CAMK4: variants seen among roughly 807,000 people sequenced by gnomAD.
CAMK4 encodes calcium/calmodulin-dependent protein kinase type IV.
Under a neutral mutation model 44.9 loss-of-function variants are expected in CAMK4, and 22 were observed. The observed-to-expected ratio is 0.49, with a 90% CI of 0.35 to 0.70. The LOEUF is 0.70. CAMK4 is among the 30% of genes least tolerant of loss of function. The pLI is 0.01. For synonymous variants in CAMK4, 218 were observed against 215.4 expected (o/e 1.01, Z -0.11); for missense variants, 498 against 586.8 (o/e 0.85, Z 1.56).
At chr5:111,313,781 C>T (rs1480448803) in intron 1 of CAMK4, among the ~76,000 whole-genome samples, 1 of 152,094 alleles carries the variant, frequency 6.6e-6, no homozygotes, top group Non-Finnish European at 1.5e-5. Context: ...GGAAGGATTT[C>T]AACAGAATAC....
chr5:111,414,381 T>TCAGCAG (rs997332616), intron 5 of CAMK4, among the ~76,000 whole-genome samples: 8 of 151,770 alleles, frequency 5.3e-5, no homozygotes, highest in East Asian at 1.9e-4. Flanking sequence ...TCTCCACCTC[T>TCAGCAG]CAGCAGCAGC....
chr5:111,472,567 G>T (rs185189000), intron 7 of CAMK4, among the ~76,000 whole-genome samples: 8 of 152,216 alleles, frequency 5.3e-5, no homozygotes, highest in Non-Finnish European at 8.8e-5. Context: ...CAAATCTAAG[G>T]TAATAAAAAT....
chr5:111,398,281 A>T (rs115981511), intron 5 of CAMK4, among the ~76,000 whole-genome samples: 1 of 152,236 alleles, frequency 6.6e-6, no homozygotes. Flanking sequence ...ATGTGGCTCA[A>T]CTTGACTCAG....
In CAMK4 at chr5:111,375,584, C is replaced by T. The variant is rs371870387; in HGVS notation, c.303+672C>T. The stretch of plus-strand genomic sequence containing the variant: ...TGATGTCCAGGGAGATGGCCTGCAA[C>T]GCTTAGACTCCAGGCAAAGTGCTCA... On this transcript the variant is annotated intron_variant, in intron 3 of 10. Transcript: ENST00000282356. Among the ~76,000 whole-genome samples, 90 of 152,248 alleles carry T rather than the reference C, an allele frequency of 5.9e-4. 1 individual carries two copies. Among genetic ancestry groups the T allele is most frequent in the African/African-American group, 1.9e-3 (79 of 41,544 alleles).
intron 1 of CAMK4, among the ~76,000 whole-genome samples, chr5:111,243,494 T>G (rs538966919): frequency 2.0e-5 from 3 of 152,100 alleles, no homozygotes; most frequent in Non-Finnish European, 4.4e-5. Context: ...TGACTAAAGT[T>G]TTGTCAAGCA....
chr5:111,229,364 C>G (rs1748352739), intron 1 of CAMK4, among the ~76,000 whole-genome samples: 1 of 152,196 alleles, frequency 6.6e-6, no homozygotes, highest in Admixed American at 6.5e-5. Context: ...TCTCTGGTGC[C>G]TCTTCTTACA....
intron 1 of CAMK4, among the ~76,000 whole-genome samples, chr5:111,232,336 CAG>C (rs1255190105): frequency 4.6e-5 from 7 of 152,052 alleles, no homozygotes; most frequent in African/African-American, 1.7e-4. Flanking sequence ...AGAGTTGTGA[CAG>C]AGAGGACTGG....
chr5:111,329,243 T>C (rs1394657533), intron 1 of CAMK4, among the ~76,000 whole-genome samples: 4 of 151,906 alleles, frequency 2.6e-5, no homozygotes, highest in Admixed American at 1.3e-4. Context: ...TAATAAGAGC[T>C]ATCTATGAGA....
At chr5:111,423,860 A>C (rs1219226493) in intron 5 of CAMK4, among the ~76,000 whole-genome samples, 1 of 152,222 alleles carries the variant, frequency 6.6e-6, no homozygotes, top group East Asian at 1.9e-4. Flanking sequence ...ACTGTGGACC[A>C]AGCTTTAGCT....
chr5:111,405,036 T>C (rs558636625), intron 5 of CAMK4, among the ~76,000 whole-genome samples: 1 of 152,250 alleles, frequency 6.6e-6, no homozygotes, highest in East Asian at 1.9e-4. Context: ...GATAGACACA[T>C]AAACACATGG....
At chr5:111,278,086 A>C (rs1352665167) in intron 1 of CAMK4, among the ~76,000 whole-genome samples, 1 of 152,212 alleles carries the variant, frequency 6.6e-6, no homozygotes, top group East Asian at 1.9e-4. Flanking sequence ...AGCTGTAATA[A>C]TGTTTTTAGG....
chr5:111,229,294 G>A (rs1270292200), intron 1 of CAMK4, among the ~76,000 whole-genome samples: 1 of 152,192 alleles, frequency 6.6e-6, no homozygotes, highest in African/African-American at 2.4e-5. Flanking sequence ...CCTTCTCGCT[G>A]TGTCGTCACA....
intron 1 of CAMK4, among the ~76,000 whole-genome samples, chr5:111,243,337 G>C (rs148486855): frequency 6.6e-6 from 1 of 152,222 alleles, no homozygotes. Context: ...CTGGGGAAGA[G>C]TGAAGGATGA....
At chr5:111,330,062 G>A (rs1749093993) in intron 1 of CAMK4, among the ~76,000 whole-genome samples, 1 of 148,724 alleles carries the variant, frequency 6.7e-6, no homozygotes, top group Non-Finnish European at 1.5e-5. Flanking sequence ...ATTTTTTTTG[G>A]TAGAAGTCCT....
In CAMK4 at chr5:111,478,375, C is replaced by T. The variant is rs369320708; in HGVS notation, c.702-6C>T. The T allele has an allele frequency of 3.3e-5, 51 of 1,538,988 alleles. No homozygotes were observed. The highest frequency in any genetic ancestry group is 4.5e-5 in the Non-Finnish European group (50 of 1,122,030). ...ACATTTTATTCTCTATATTTTATTC[C>T]TCTAGACTTTGTGGATTTGAACCAT... On this transcript the variant is annotated splice_polypyrimidine_tract_variant and splice_region_variant and intron_variant, in intron 8 of 10. Coordinates refer to ENST00000282356, the MANE Select transcript of CAMK4 (RefSeq NM_001744.6).
chr5:111,333,775 A>G (rs1410548643), intron 1 of CAMK4, among the ~76,000 whole-genome samples: 1 of 151,618 alleles, frequency 6.6e-6, no homozygotes, highest in Non-Finnish European at 1.5e-5. Context: ...TAGAGAATAT[A>G]ATAATTCATA....
chr5:111,487,742 T>C lies in CAMK4; in HGVS notation c.*3276T>C, dbSNP rs1440841322. ...TCACATGTGGCTAGTGGCTACCATATTAGACAGCACTAGTCTAGAGTACTT... is the reference window on the plus strand; with the variant it reads ...TCACATGTGGCTAGTGGCTACCATACTAGACAGCACTAGTCTAGAGTACTT... On this transcript the variant is annotated 3_prime_UTR_variant, in exon 11 of 11. Transcript: ENST00000282356. The C allele has an allele frequency of 6.6e-6, 1 of 152,180 alleles. No individual in the cohort carries two copies. Among genetic ancestry groups the C allele is most frequent in the Non-Finnish European group, 1.5e-5 (1 of 68,036 alleles). 9.4% of individuals were successfully genotyped at this position (152,180 alleles called of 1,614,324 possible).
intron 2 of CAMK4, among the ~76,000 whole-genome samples, chr5:111,350,959 A>G (rs1750080283): frequency 6.6e-6 from 1 of 152,060 alleles, no homozygotes; most frequent in Admixed American, 6.6e-5. Flanking sequence ...CTTTGTTCCA[A>G]TTTCTTGGTA....
chr5:111,397,376 C>G (rs1477631703), intron 5 of CAMK4, among the ~76,000 whole-genome samples: 1 of 152,170 alleles, frequency 6.6e-6, no homozygotes, highest in Non-Finnish European at 1.5e-5. Context: ...ACTTCATACT[C>G]AGCACATTCA....
Sources: gnomAD v4.1 joint callset for allele counts (sites outside exome capture counted in the v4.1 genomes callset) on GRCh38, gnomAD v4.1.1 for gene constraint, MANE v1.5 for transcripts, NCBI Gene and HGNC (gene_info 2026-07-23, HGNC 2026-07-21) for gene names.